The following BAAT variants were observed in gnomAD, a reference collection of about 807,000 sequenced individuals.
The protein encoded by BAAT is bile acid-CoA:amino acid N-acyltransferase, also known as bile acid CoA: amino acid N-acyltransferase (glycine N-choloyltransferase).
A neutral mutation model predicts 18.9 loss-of-function variants in BAAT; 13 were observed. The observed-to-expected ratio is 0.69, with a 90% CI of 0.45 to 1.10. BAAT has a LOEUF of 1.10. Among genes scored for constraint, BAAT ranks in the 50% least tolerant of loss-of-function variants. The pLI is 0.00. For missense variants in BAAT, 489 were observed against 504.0 expected, an observed-to-expected ratio of 0.97 and a Z score of 0.28; for synonymous variants, 170 against 190.7, an observed-to-expected ratio of 0.89 and a Z score of 0.89.
At chr9:101,384,157 G>C (rs1267906292) in intron 1 of BAAT, among the ~76,000 whole-genome samples, 1 of 152,146 alleles carries the variant, frequency 6.6e-6, no homozygotes, top group African/African-American at 2.4e-5. Context: ...AAGGAAGTCT[G>C]ATCAGCCAAA....
chr9:101,377,773 A>C (rs932247000), intron 1 of BAAT, among the ~76,000 whole-genome samples: 1 of 152,172 alleles, frequency 6.6e-6, no homozygotes, highest in Non-Finnish European at 1.5e-5. Flanking sequence ...GGCAAGAGAA[A>C]GAAATAAGGG....
intron 1 of BAAT, among the ~76,000 whole-genome samples, chr9:101,378,033 A>G (rs1830075231): frequency 6.6e-6 from 1 of 152,206 alleles, no homozygotes; most frequent in South Asian, 2.1e-4. Flanking sequence ...ATACATAGGA[A>G]TACAGCTTAC....
chr9:101,367,911 C>A (rs934051199), intron 3 of BAAT, among the ~76,000 whole-genome samples: 1 of 152,198 alleles, frequency 6.6e-6, no homozygotes, highest in African/African-American at 2.4e-5. Context: ...TATTTCTCAT[C>A]CAGTGTCTTT....
intron 3 of BAAT, 95 bp downstream of exon 3, chr9:101,368,025 C>G: frequency 7.4e-7 from 1 of 1,343,294 alleles, no homozygotes; most frequent in East Asian, 2.4e-5. Context: ...GCACTCCAGC[C>G]TGGGTGACGG....
intron 3 of BAAT, among the ~76,000 whole-genome samples, chr9:101,365,650 C>A (rs2417251): frequency 0.61 from 93,085 of 151,772 alleles, 29,639 homozygotes; most frequent in Non-Finnish European, 0.7. Context: ...AATTCTCTGG[C>A]CTCAGCCTCC....
At chr9:101,366,339 A>G (rs1044666469) in intron 3 of BAAT, among the ~76,000 whole-genome samples, 1 of 152,334 alleles carries the variant, frequency 6.6e-6, no homozygotes, top group East Asian at 1.9e-4. Flanking sequence ...AACTTCTACC[A>G]CAAAATTTGG....
chr9:101,366,483 T>C (rs534384887), intron 3 of BAAT, among the ~76,000 whole-genome samples: 11 of 151,976 alleles, frequency 7.2e-5, no homozygotes, highest in Non-Finnish European at 1.5e-4. Flanking sequence ...TTTCTCAGAG[T>C]CTGGGGAAAA....
At chr9:101,365,045 A>G (rs1829802881) in intron 3 of BAAT, among the ~76,000 whole-genome samples, 1 of 152,154 alleles carries the variant, frequency 6.6e-6, no homozygotes, top group African/African-American at 2.4e-5. Flanking sequence ...AAAGGAAACT[A>G]CATGTTCATG....
intron 3 of BAAT, among the ~76,000 whole-genome samples, chr9:101,365,488 C>T (rs1799739271): frequency 1.3e-5 from 2 of 151,772 alleles, no homozygotes; most frequent in Admixed American, 6.6e-5. Flanking sequence ...TCCTTTCAAG[C>T]TCTGAAATTC....
chr9:101,368,089 G>A (rs1340361242), intron 3 of BAAT, 31 bp downstream of exon 3: 5 of 1,589,786 alleles, frequency 3.1e-6, no homozygotes. Context: ...AAACCCCAGG[G>A]ACTCAAACCT....
Position 101,362,983 on chromosome 9 carries a change from TAC to T in BAAT, c.700_701del (p.Val234MetfsTer24). 2 of 1,613,996 alleles carry T rather than the reference TAC, an allele frequency of 1.2e-6. No homozygotes were observed. Among genetic ancestry groups the T allele is most frequent in the South Asian group, 1.1e-5 (1 of 91,072 alleles). On this transcript the variant is annotated frameshift_variant, in exon 4 of 4. Coordinates refer to ENST00000259407, the MANE Select transcript of BAAT (RefSeq NM_001701.4). LOFTEE classifies it low-confidence loss of function (END_TRUNC). ...VFGSGVGVVSVCQGVQIGLSM... is the reference protein window; with the variant it reads ...VFGSGVGVVSXCQGVQIGLSM... Reference sequence around the variant, plus strand: ...ATAGTCCAATCTGTACTCCTTGACATACAGAGACTACCCCAACGCCTGAGCCA... The same window carrying T: ...ATAGTCCAATCTGTACTCCTTGACATAGAGACTACCCCAACGCCTGAGCCA...
intron 1 of BAAT, chr9:101,375,703 T>C (rs908208973): frequency 2.0e-5 from 3 of 153,540 alleles, no homozygotes; most frequent in African/African-American, 7.2e-5. Context: ...CACACTGGGG[T>C]GCCACCGAAG....
intron 3 of BAAT, among the ~76,000 whole-genome samples, chr9:101,367,293 A>C (rs1468744953): frequency 6.6e-6 from 1 of 152,148 alleles, no homozygotes; most frequent in Non-Finnish European, 1.5e-5. Flanking sequence ...GTAACTAAAA[A>C]TTCAGACTCA....
intron 3 of BAAT, among the ~76,000 whole-genome samples, chr9:101,366,465 T>A (rs1032088196): frequency 1.6e-4 from 25 of 152,180 alleles, no homozygotes; most frequent in African/African-American, 5.1e-4. Flanking sequence ...GAAGTAGGTT[T>A]AATGGAATTT....
In BAAT at chr9:101,368,274, CCACCCAAA is replaced by C. The variant is rs1199207211; in HGVS notation, c.507_514del (p.Leu170AlafsTer3). 5.0e-6 allele frequency: 8 copies of C among 1,613,134 alleles called. No individual in the cohort carries two copies. Among genetic ancestry groups the C allele is most frequent in the Non-Finnish European group, 5.9e-6 (7 of 1,180,020 alleles). On this transcript the variant is annotated frameshift_variant, in exon 3 of 4. Transcript: ENST00000259407. LOFTEE classifies it high-confidence loss of function. ...GAGGCTGGCCCGAAATTCAAGCAGCCCACCCAAACCACCAAACAAATCAATTACCCCTG... is the reference window on the plus strand; with the variant it reads ...GAGGCTGGCCCGAAATTCAAGCAGCCCCACCAAACAAATCAATTACCCCTG...
intron 2 of BAAT, among the ~76,000 whole-genome samples, chr9:101,369,951 C>G (rs1829902141): frequency 6.6e-6 from 1 of 152,020 alleles, no homozygotes; most frequent in East Asian, 1.9e-4. Flanking sequence ...AGGAAGCATG[C>G]TATATTATTA....
rs376870227 is a variant in BAAT, at chr9:101,363,001, G to A, written c.684C>T (p.Gly228=). 1.2e-5 allele frequency: 20 copies of A among 1,613,520 alleles called. No individual in the cohort carries two copies. The highest frequency in any genetic ancestry group is 2.2e-5 in the East Asian group (1 of 44,870). The change falls in exon 4 of 4, where the codon GGC becomes GGT. Residue 228 remains glycine (G), a synonymous_variant. Transcript: ENST00000259407. ...LLRHPKVFGS[G]VGVVSVCQGV... ...CTTGACATACAGAGACTACCCCAAC[G>A]CCTGAGCCAAAGACCTGAAAAAAAT...
chr9:101,360,565 G>A lies in BAAT; in HGVS notation c.*1863C>T, dbSNP rs990563359. On this transcript the variant is annotated 3_prime_UTR_variant, in exon 4 of 4. Coordinates refer to ENST00000259407, the MANE Select transcript of BAAT (RefSeq NM_001701.4). ...ACAGCGAGGAGGCATCTCACATGGC[G>A]AGAGAGGAGGCAAGAAAGAGTGTGA... 3 of 152,220 alleles carry A rather than the reference G, an allele frequency of 2.0e-5. No individual in the cohort carries two copies. Among genetic ancestry groups the A allele is most frequent in the Admixed American group, 1.3e-4 (2 of 15,266 alleles). The allele number at this position is 152,220 out of a possible 1,614,324, so 9.4% of individuals were successfully genotyped here.
At position 101,362,795 on chromosome 9, in the gene BAAT, C is replaced by T. The variant is rs974951490; in HGVS notation, c.890G>A (p.Arg297His). 17 of 1,613,966 alleles carry T rather than the reference C, an allele frequency of 1.1e-5. No homozygotes were observed. Among genetic ancestry groups the T allele is most frequent in the African/African-American group, 2.7e-5 (2 of 74,888 alleles). The change falls in exon 4 of 4, where the codon CGC (arginine) becomes CAC (histidine). Residue 297 changes from arginine (R) to histidine (H), a missense_variant. Physicochemically the swap from Arg to His is conservative, Grantham distance 29. Transcript: ENST00000259407. ...TNALGLLELY[R>H]TFETTQVGAS... ...CCCAACTTGAGTTGTCTCAAAAGTG[C>T]GATAGAGCTCTAGTAACCCCAAGGC... is the stretch of plus-strand genomic sequence containing the variant.
Sources: allele counts gnomAD v4.1 joint callset (sites outside exome capture counted in the v4.1 genomes callset), GRCh38; gene constraint gnomAD v4.1.1; transcripts MANE v1.5; gene names NCBI Gene and HGNC (gene_info 2026-07-23, HGNC 2026-07-21).